The following NPAS3 variants were observed in gnomAD, a reference collection of about 807,000 sequenced individuals.
NPAS3 encodes neuronal PAS domain protein 3, also known as neuronal PAS domain-containing protein 3.
Under a neutral mutation model 73.1 loss-of-function variants are expected in NPAS3, and 14 were observed. That is an observed-to-expected ratio of 0.19 (90% CI 0.13 to 0.30). The LOEUF (loss-of-function observed/expected upper bound fraction) is 0.30, where lower values mean the gene tolerates loss of function less well. Among genes scored for constraint, NPAS3 ranks in the 10% least tolerant of loss-of-function variants. The pLI is 1.00. For missense variants in NPAS3, 1,096 were observed against 1,250.0 expected (o/e 0.88, Z 1.86); for synonymous variants, 620 against 541.5 (o/e 1.14, Z -2.01).
intron 1 of NPAS3, among the ~76,000 whole-genome samples, chr14:33,011,548 T>A (rs2039196181): frequency 1.9e-5 from 2 of 103,230 alleles, no homozygotes; most frequent in South Asian, 6.1e-4. Context: ...TGGCTAGAAA[T>A]CAGTTTTTTT....
Position 33,184,164 on chromosome 14 carries a change from G to C in NPAS3, c.141-31018G>C, listed in dbSNP as rs1594333842. Among the ~76,000 whole-genome samples, 3 of 152,162 alleles carry C rather than the reference G, an allele frequency of 2.0e-5. No homozygotes were observed. In the East Asian group the frequency reaches 5.8e-4, roughly 29 times the overall value. Reference sequence around the variant, plus strand: ...TTTGAGCTTTCTGTGATTGGTCCTTGAATAGGGAGGGGCACGATGCCACAG... The same window carrying C: ...TTTGAGCTTTCTGTGATTGGTCCTTCAATAGGGAGGGGCACGATGCCACAG... On this transcript the variant is annotated intron_variant, in intron 2 of 11. Transcript: ENST00000356141.
chr14:33,568,924 T>C (rs1232206784), intron 5 of NPAS3, among the ~76,000 whole-genome samples: 1 of 152,230 alleles, frequency 6.6e-6, no homozygotes, highest in Non-Finnish European at 1.5e-5. Flanking sequence ...CTCTTTTTCT[T>C]AAAATCATCA....
chr14:33,726,699 T>C (rs536828922), intron 6 of NPAS3, among the ~76,000 whole-genome samples: 11 of 152,280 alleles, frequency 7.2e-5, no homozygotes, highest in African/African-American at 2.4e-4. Context: ...TTATGAATGG[T>C]CCCAGACCAC....
At chr14:33,335,997 T>C (rs886421892) in intron 3 of NPAS3, among the ~76,000 whole-genome samples, 4 of 152,216 alleles carry the variant, frequency 2.6e-5, no homozygotes, top group African/African-American at 9.6e-5. Flanking sequence ...AACGCATGTT[T>C]AATTTTTAAA....
At chr14:33,013,326 A>T (rs1195674165) in intron 1 of NPAS3, among the ~76,000 whole-genome samples, 1 of 152,212 alleles carries the variant, frequency 6.6e-6, no homozygotes, top group South Asian at 2.1e-4. Context: ...AATGATCCAG[A>T]CTTAGCATTT....
Position 33,076,225 on chromosome 14 carries a change from G to A in NPAS3, c.140+20231G>A, listed in dbSNP as rs902710090. Among the ~76,000 whole-genome samples the A allele has an allele frequency of 7.9e-5, 12 of 152,156 alleles. No homozygotes were observed. The East Asian group carries it at 1.7e-3, about 22-fold the overall frequency. Reference sequence around the variant, plus strand: ...CCCAAAGAAAAAGGACAGGAGGGTCGTGGAATTGCTTAGCGTGTTGCATGG... The same window carrying A: ...CCCAAAGAAAAAGGACAGGAGGGTCATGGAATTGCTTAGCGTGTTGCATGG... On this transcript the variant is annotated intron_variant, in intron 2 of 11. Transcript: ENST00000356141.
intron 9 of NPAS3, among the ~76,000 whole-genome samples, chr14:33,783,764 C>T (rs886529346): frequency 6.6e-6 from 1 of 152,110 alleles, no homozygotes; most frequent in African/African-American, 2.4e-5. Context: ...TCAGCACCCC[C>T]TGGGAACTCA....
intron 1 of NPAS3, among the ~76,000 whole-genome samples, chr14:33,018,895 A>T (rs946123715): frequency 2.0e-5 from 3 of 152,048 alleles, no homozygotes; most frequent in Non-Finnish European, 4.4e-5. Flanking sequence ...ACATAAAGGT[A>T]ACTTGTAGAG....
chr14:33,731,327 G>A (rs1029094696), intron 6 of NPAS3, among the ~76,000 whole-genome samples: 8 of 151,286 alleles, frequency 5.3e-5, no homozygotes, highest in Non-Finnish European at 1.2e-4. Flanking sequence ...GCTGAGGCAG[G>A]AGAATCGCCT....
At chr14:33,228,165 A>G (rs533474569) in intron 3 of NPAS3, among the ~76,000 whole-genome samples, 2 of 152,278 alleles carry the variant, frequency 1.3e-5, no homozygotes, top group East Asian at 3.9e-4. Context: ...TTTTAAGATT[A>G]TGGTTTTAAA....
At chr14:33,300,825 C>A (rs1182736690) in intron 3 of NPAS3, among the ~76,000 whole-genome samples, 1 of 152,046 alleles carries the variant, frequency 6.6e-6, no homozygotes, top group Admixed American at 6.6e-5. Flanking sequence ...CAGCTGTAAG[C>A]CAGCCAGGAG....
chr14:33,059,811 T>G (rs947755745), intron 2 of NPAS3, among the ~76,000 whole-genome samples: 5 of 152,258 alleles, frequency 3.3e-5, no homozygotes, highest in Non-Finnish European at 7.3e-5. Context: ...TTGAACTTTA[T>G]TGTTTTTTAT....
At chr14:33,083,728 C>G (rs551970996) in intron 2 of NPAS3, among the ~76,000 whole-genome samples, 62 of 152,146 alleles carry the variant, frequency 4.1e-4, no homozygotes, top group Non-Finnish European at 7.1e-4. Flanking sequence ...TCCAGTTTTA[C>G]TCTAGAGCTA....
At chr14:33,654,856 A>G (rs2059098194) in intron 5 of NPAS3, among the ~76,000 whole-genome samples, 1 of 152,196 alleles carries the variant, frequency 6.6e-6, no homozygotes, top group Non-Finnish European at 1.5e-5. Flanking sequence ...GTTTTATTTG[A>G]TGACACTGCT....
chr14:33,610,701 G>C (rs2057722749), intron 5 of NPAS3, among the ~76,000 whole-genome samples: 1 of 152,062 alleles, frequency 6.6e-6, no homozygotes, highest in East Asian at 1.9e-4. Context: ...TCCAAATCTT[G>C]GTTTGTTTCT....
chr14:33,575,546 T>C (rs1952595), intron 5 of NPAS3, among the ~76,000 whole-genome samples: 1 of 151,966 alleles, frequency 6.6e-6, no homozygotes, highest in Non-Finnish European at 1.5e-5. Flanking sequence ...GTCTTTGTAC[T>C]ATCAGAACAT....
intron 4 of NPAS3, among the ~76,000 whole-genome samples, chr14:33,496,111 A>C (rs964146059): frequency 6.6e-6 from 1 of 152,186 alleles, no homozygotes; most frequent in Admixed American, 6.5e-5. Context: ...AAATGTATAG[A>C]TTCCTGGACA....
At chr14:32,975,860 CGTGT>C (rs71118522) in intron 1 of NPAS3, among the ~76,000 whole-genome samples, 13,277 of 145,608 alleles carry the variant, frequency 0.091, 1,145 homozygotes, top group African/African-American at 0.23. Flanking sequence ...TGGTGAGGGG[CGTGT>C]GTGTGTGTGT....
At chr14:33,321,454 A>T (rs554724611) in intron 3 of NPAS3, among the ~76,000 whole-genome samples, 1 of 152,108 alleles carries the variant, frequency 6.6e-6, no homozygotes, top group African/African-American at 2.4e-5. Flanking sequence ...CCCATTATGA[A>T]TAAGAGTAGA....
Sources: allele counts gnomAD v4.1 joint callset (sites outside exome capture counted in the v4.1 genomes callset), GRCh38; gene constraint gnomAD v4.1.1; transcripts MANE v1.5; gene names NCBI Gene and HGNC (gene_info 2026-07-23, HGNC 2026-07-21).